EZH2: variants seen among roughly 807,000 people sequenced by gnomAD.
EZH2 encodes the protein histone-lysine N-methyltransferase EZH2.
A neutral mutation model predicts 98.4 loss-of-function variants in EZH2; 18 were observed. The ratio of observed to expected loss-of-function variants is 0.18; its 90% CI spans 0.13 to 0.27. The LOEUF (loss-of-function observed/expected upper bound fraction) is 0.27. Among genes scored for constraint, EZH2 ranks in the 10% least tolerant of loss-of-function variants. The probability of loss-of-function intolerance (pLI) is 1.00; values close to 1 mark genes in which losing one functional copy is unlikely to be tolerated. For synonymous variants in EZH2, 338 were observed against 312.3 expected, an observed-to-expected ratio of 1.08 and a Z score of -0.87; for missense variants, 470 against 935.1, an observed-to-expected ratio of 0.50 and a Z score of 6.49.
intron 7 of EZH2, 114 bp downstream of exon 7, chr7:148,827,050 A>T: frequency 1.4e-6 from 1 of 737,944 alleles, no homozygotes; most frequent in South Asian, 2.1e-5. Flanking sequence ...TCTTGCAAAC[A>T]CTGTAAACAA....
intron 1 of EZH2, among the ~76,000 whole-genome samples, chr7:148,867,257 C>T (rs1481798566): frequency 4.0e-5 from 6 of 151,840 alleles, no homozygotes; most frequent in East Asian, 2.0e-4. Context: ...ACCCAGGAGG[C>T]GGAGGTTGCA....
chr7:148,877,909 T>G (rs1820402589), intron 1 of EZH2, among the ~76,000 whole-genome samples: 1 of 151,926 alleles, frequency 6.6e-6, no homozygotes, highest in Admixed American at 6.6e-5. Context: ...TAATATGGAG[T>G]AGATAATATG....
intron 3 of EZH2, among the ~76,000 whole-genome samples, chr7:148,842,739 C>CAAA (rs376533541): frequency 2.1e-5 from 3 of 146,050 alleles, no homozygotes; most frequent in African/African-American, 7.5e-5. Context: ...ATCTCAAAAA[C>CAAA]AAAAAAAAAA....
chr7:148,852,657 G>C (rs1044991639), intron 1 of EZH2, among the ~76,000 whole-genome samples: 1 of 152,164 alleles, frequency 6.6e-6, no homozygotes, highest in Non-Finnish European at 1.5e-5. Context: ...TCTTGGAGAA[G>C]AGCCTCAAAG....
chr7:148,860,143 T>C (rs1817455918), intron 1 of EZH2, among the ~76,000 whole-genome samples: 1 of 151,860 alleles, frequency 6.6e-6, no homozygotes, highest in South Asian at 2.1e-4. Context: ...AATTTGTAAA[T>C]CTGCTCTGGT....
chr7:148,819,705 C>G lies in EZH2; in HGVS notation c.908-18G>C, dbSNP rs759072448. ...ATGAAAAGCTGCAAAATAAATGAAA[C>G]AAAGAATCTAATATAACTATAAAAT... On this transcript the variant is annotated intron_variant, in intron 8 of 19. Transcript: ENST00000320356. 1 of 1,605,314 alleles carries G rather than the reference C, an allele frequency of 6.2e-7. No individual in the cohort carries two copies. The highest frequency in any genetic ancestry group is 8.5e-7 in the Non-Finnish European group (1 of 1,172,548).
intron 1 of EZH2, chr7:148,876,366 T>C (rs1485030688): frequency 6.6e-6 from 1 of 152,020 alleles, no homozygotes; most frequent in Admixed American, 6.6e-5. Flanking sequence ...CCATTATAGA[T>C]CTTGATCCAG....
At chr7:148,841,736 T>C (rs1812505018) in intron 3 of EZH2, among the ~76,000 whole-genome samples, 1 of 152,156 alleles carries the variant, frequency 6.6e-6, no homozygotes, top group Admixed American at 6.5e-5. Context: ...TAAATTTTCA[T>C]TTACAATTAA....
At chr7:148,878,835 G>T in intron 1 of EZH2, among the ~76,000 whole-genome samples, 1 of 152,072 alleles carries the variant, frequency 6.6e-6, no homozygotes, top group African/African-American at 2.4e-5. Flanking sequence ...GGAGGCAGAG[G>T]TTGCAGTGAA....
intron 1 of EZH2, among the ~76,000 whole-genome samples, chr7:148,853,283 G>A (rs550299100): frequency 6.6e-6 from 1 of 152,144 alleles, no homozygotes; most frequent in African/African-American, 2.4e-5. Context: ...GTGGAGGCAG[G>A]TGCCTGTAAT....
intron 13 of EZH2, 125 bp downstream of exon 13, chr7:148,815,381 G>C (rs886360063): frequency 3.7e-5 from 38 of 1,030,750 alleles, no homozygotes; most frequent in Admixed American, 7.4e-5. Flanking sequence ...ATTCAAATTG[G>C]TTTAACATAC....
rs531398586 is a variant in EZH2 at position 148,817,478 on chromosome 7, G to A, written c.1241-87C>T. ...TTCAGGGTGTGCTTAAGAAAAAAGC[G>A]AAAAGATGAGGACAACTCAAATCCA... On this transcript the variant is annotated intron_variant, in intron 10 of 19. Coordinates refer to ENST00000320356, the MANE Select transcript of EZH2 (RefSeq NM_004456.5). 1.2e-4 allele frequency: 162 copies of A among 1,344,704 alleles called. 1 individual carries two copies. In the East Asian group the frequency reaches 1.6e-3, roughly 14 times the overall value. The allele number at this position is 1,344,704 out of a possible 1,614,324, so 83.3% of individuals were successfully genotyped here. A position where few individuals can be genotyped will look rare whatever the true frequency, so the allele number is the denominator to read the frequency against.
chr7:148,874,680 A>C (rs1819937303), intron 1 of EZH2, among the ~76,000 whole-genome samples: 1 of 152,170 alleles, frequency 6.6e-6, no homozygotes, highest in Non-Finnish European at 1.5e-5. Flanking sequence ...TTGTGGGGGC[A>C]ATTCAGGTGT....
rs546902502 is a variant in EZH2 at position 148,825,208 on chromosome 7, C to G, written c.907+1246G>C. On this transcript the variant is annotated intron_variant, in intron 8 of 19. Transcript: ENST00000320356. ...GTCTTAATAAAAACTCGATGTAATT[C>G]ATAAATTCATGGTGTGTAAAGGGAA... 2.0e-5 allele frequency among the ~76,000 whole-genome samples: 3 copies of G among 152,236 alleles called. No individual in the cohort carries two copies. In the South Asian group the frequency reaches 6.2e-4, roughly 32 times the overall value.
intron 7 of EZH2, 118 bp downstream of exon 7, chr7:148,827,046 A>G (rs1412124554): frequency 2.8e-6 from 2 of 720,070 alleles, no homozygotes; most frequent in Admixed American, 5.1e-5. Flanking sequence ...AGTATCTTGC[A>G]AACACTGTAA....
intron 1 of EZH2, among the ~76,000 whole-genome samples, chr7:148,870,520 G>T (rs1279802555): frequency 6.6e-6 from 1 of 151,874 alleles, no homozygotes; most frequent in Non-Finnish European, 1.5e-5. Flanking sequence ...GGGGCAACAT[G>T]GCGAAACCCC....
At chr7:148,834,429 G>A (rs1158665976) in intron 3 of EZH2, among the ~76,000 whole-genome samples, 1 of 151,340 alleles carries the variant, frequency 6.6e-6, no homozygotes, top group Non-Finnish European at 1.5e-5. Flanking sequence ...AAAAATAGCA[G>A]AACTAGTTGT....
chr7:148,813,282 CTAT>C (rs1803654262), intron 15 of EZH2, among the ~76,000 whole-genome samples: 1 of 151,118 alleles, frequency 6.6e-6, no homozygotes, highest in Non-Finnish European at 1.5e-5. Context: ...TAAATGTCAG[CTAT>C]TATTATAAAA....
At chr7:148,866,254 G>A (rs1463585992) in intron 1 of EZH2, among the ~76,000 whole-genome samples, 1 of 151,954 alleles carries the variant, frequency 6.6e-6, no homozygotes, top group Non-Finnish European at 1.5e-5. Context: ...ATGGTCTGAA[G>A]GTGTCCCTCA....
Sources: gnomAD v4.1 joint callset for allele counts (sites outside exome capture counted in the v4.1 genomes callset) on GRCh38, gnomAD v4.1.1 for gene constraint, MANE v1.5 for transcripts, NCBI Gene and HGNC (gene_info 2026-07-23, HGNC 2026-07-21) for gene names.